Variants in CTNND2 observed in about 807,000 individuals in gnomAD.
CTNND2 encodes the protein catenin delta 2.
Under a neutral mutation model 144.4 loss-of-function variants are expected in CTNND2, and 22 were observed. The observed-to-expected ratio is 0.15, with a 90% CI of 0.11 to 0.22. CTNND2 has a LOEUF of 0.22. Among genes scored for constraint, CTNND2 ranks in the 10% least tolerant of loss-of-function variants. The pLI is 1.00. For missense variants in CTNND2, 1,353 were observed against 1,618.8 expected, an observed-to-expected ratio of 0.84 and a Z score of 2.82; for synonymous variants, 751 against 695.6, an observed-to-expected ratio of 1.08 and a Z score of -1.25.
intron 9 of CTNND2, among the ~76,000 whole-genome samples, chr5:11,330,826 A>G (rs1291363191): frequency 6.7e-6 from 1 of 149,562 alleles, no homozygotes; most frequent in Non-Finnish European, 1.5e-5. Context: ...TAACTTATAC[A>G]GAGCAAGTCC....
chr5:11,803,092 C>A (rs59403691), intron 1 of CTNND2, among the ~76,000 whole-genome samples: 1 of 152,108 alleles, frequency 6.6e-6, no homozygotes, highest in African/African-American at 2.4e-5. Context: ...GAGGCCGAGG[C>A]GGGTGGATCA....
chr5:11,628,157 C>A (rs143488927), intron 2 of CTNND2, among the ~76,000 whole-genome samples: 48 of 152,118 alleles, frequency 3.2e-4, no homozygotes, highest in African/African-American at 1.0e-3. Context: ...AGATTCCACA[C>A]GTTTTCACCA....
At chr5:11,564,531 A>C (rs186262984) in intron 3 of CTNND2, among the ~76,000 whole-genome samples, 9 of 152,158 alleles carry the variant, frequency 5.9e-5, no homozygotes, top group Admixed American at 5.9e-4. Flanking sequence ...TTCATAACTT[A>C]GCATTATGTA....
chr5:11,378,583 C>T (rs1044433404), intron 7 of CTNND2, among the ~76,000 whole-genome samples: 6 of 152,290 alleles, frequency 3.9e-5, no homozygotes, highest in Admixed American at 2.6e-4. Context: ...GTGAGAACTG[C>T]GCAATGCTTG....
intron 18 of CTNND2, among the ~76,000 whole-genome samples, chr5:11,013,861 C>A (rs1048659452): frequency 6.6e-6 from 1 of 152,142 alleles, no homozygotes; most frequent in Non-Finnish European, 1.5e-5. Context: ...GGTGTGAGCC[C>A]GAGACTGGCA....
chr5:11,292,740 T>G (rs1393062260), intron 9 of CTNND2, among the ~76,000 whole-genome samples: 1 of 152,162 alleles, frequency 6.6e-6, no homozygotes. Context: ...CAGTTCTTTA[T>G]AGCAGTGTGA....
intron 5 of CTNND2, among the ~76,000 whole-genome samples, chr5:11,401,100 G>A (rs1760611001): frequency 1.3e-5 from 2 of 152,086 alleles, no homozygotes. Flanking sequence ...CACTATTCGT[G>A]GGACAAAATC....
At chr5:11,734,111 C>G (rs186561625) in intron 1 of CTNND2, among the ~76,000 whole-genome samples, 1 of 152,284 alleles carries the variant, frequency 6.6e-6, no homozygotes, top group East Asian at 1.9e-4. Context: ...TCCCCAGACA[C>G]TAAATCTGCC....
At position 11,110,846 on chromosome 5, in the gene CTNND2, A is replaced by C. The variant is rs1229431551; in HGVS notation, c.2463+12T>G. The C allele has an allele frequency of 3.1e-6, 5 of 1,606,554 alleles. No individual in the cohort carries two copies. The highest frequency in any genetic ancestry group is 4.2e-6 in the Non-Finnish European group (5 of 1,176,706). ...GGGATAATTGCATGCAGCTGCAAGC[A>C]GCCTGCATCACCTGATCTTGGGATT... On this transcript the variant is annotated intron_variant, in intron 14 of 21. Coordinates refer to ENST00000304623, the MANE Select transcript of CTNND2 (RefSeq NM_001332.4).
At chr5:11,525,371 T>C (rs570998512) in intron 3 of CTNND2, among the ~76,000 whole-genome samples, 3 of 152,290 alleles carry the variant, frequency 2.0e-5, no homozygotes, top group South Asian at 4.1e-4. Flanking sequence ...ATACATTGTC[T>C]TTTTGTACCA....
rs1455817498 is a variant in CTNND2 at position 10,988,329 on chromosome 5, T to A, written c.3212-87A>T. ...ACACAGTCAGGGTCCTCACTATGCA[T>A]GGTCCCGCATCTCAATGCCTACGTG... is the stretch of plus-strand genomic sequence containing the variant. On this transcript the variant is annotated intron_variant, in intron 19 of 21. Transcript: ENST00000304623. This position sits in a 1 kb window ranked among gnomAD's most constrained non-coding sequence, Gnocchi z 5.9. 2 of 1,508,750 alleles carry A rather than the reference T, an allele frequency of 1.3e-6. No individual in the cohort carries two copies. Among genetic ancestry groups the A allele is most frequent in the Non-Finnish European group, 1.8e-6 (2 of 1,099,834 alleles). 93.5% of individuals were successfully genotyped at this position (1,508,750 alleles called of 1,614,324 possible). A position where few individuals can be genotyped will look rare whatever the true frequency, so the allele number is the denominator to read the frequency against.
chr5:11,467,714 T>G (rs1474959313), intron 3 of CTNND2, among the ~76,000 whole-genome samples: 1 of 152,186 alleles, frequency 6.6e-6, no homozygotes, highest in African/African-American at 2.4e-5. Context: ...AAGCAGCAGT[T>G]TTGGGTATTT....
intron 8 of CTNND2, among the ~76,000 whole-genome samples, chr5:11,353,631 C>T (rs544279056): frequency 7.9e-5 from 12 of 152,042 alleles, no homozygotes; most frequent in African/African-American, 1.2e-4. Flanking sequence ...GGAGAAACCC[C>T]GTCTCTACTA....
Position 10,988,266 on chromosome 5 carries a change from G to T in CTNND2, c.3212-24C>A, listed in dbSNP as rs1438699536. 4 of 1,613,812 alleles carry T rather than the reference G, an allele frequency of 2.5e-6. No homozygotes were observed. The highest frequency in any genetic ancestry group is 1.7e-5 in the Admixed American group (1 of 60,014). ...TGCTACATAAAGAAATCAAAAGGGG[G>T]ATTTTCTGCATCTCATCCCACAGCG... On this transcript the variant is annotated intron_variant, in intron 19 of 21. Coordinates refer to ENST00000304623, the MANE Select transcript of CTNND2 (RefSeq NM_001332.4). The surrounding 1 kb of genome is among the most constrained non-coding windows in gnomAD (Gnocchi z 5.9).
In CTNND2 at chr5:11,835,079, G is replaced by A. The variant is rs575649823; in HGVS notation, c.37+68738C>T. The stretch of plus-strand genomic sequence containing the variant: ...CCTAAGCCTGGGAGGTGGAGGCTGC[G>A]GTAAGCCATGATCACACCACTGCAC... On this transcript the variant is annotated intron_variant, in intron 1 of 21. Coordinates refer to ENST00000304623, the MANE Select transcript of CTNND2 (RefSeq NM_001332.4). Among the ~76,000 whole-genome samples the A allele has an allele frequency of 2.2e-4, 33 of 152,258 alleles. No individual in the cohort carries two copies. In the South Asian group the frequency reaches 2.7e-3, roughly 12 times the overall value.
chr5:11,843,801 G>GA (rs1003357574), intron 1 of CTNND2, among the ~76,000 whole-genome samples: 5 of 152,088 alleles, frequency 3.3e-5, no homozygotes, highest in African/African-American at 4.8e-5. Flanking sequence ...AATAAAATCA[G>GA]AAAAAAACTC....
intron 8 of CTNND2, among the ~76,000 whole-genome samples, chr5:11,361,655 C>T (rs1756468935): frequency 6.6e-6 from 1 of 152,234 alleles, no homozygotes; most frequent in Non-Finnish European, 1.5e-5. Flanking sequence ...AAGCTAGATG[C>T]TTCCCCACCA....
At chr5:11,199,221 A>G (rs1737179260) in intron 11 of CTNND2, among the ~76,000 whole-genome samples, 1 of 152,202 alleles carries the variant, frequency 6.6e-6, no homozygotes, top group Admixed American at 6.5e-5. Context: ...GTTCATGATC[A>G]CAGAATTTTA....
intron 2 of CTNND2, among the ~76,000 whole-genome samples, chr5:11,656,223 G>A (rs73743010): frequency 0.012 from 1,805 of 151,842 alleles, 28 homozygotes; most frequent in African/African-American, 0.042. Context: ...TCATATATAC[G>A]TTACCTAGAA....
Sources: gnomAD v4.1 joint callset for allele counts (sites outside exome capture counted in the v4.1 genomes callset) on GRCh38, gnomAD v4.1.1 for gene constraint, Gnocchi (gnomAD v3.1) non-coding constraint, MANE v1.5 for transcripts, NCBI Gene and HGNC (gene_info 2026-07-23, HGNC 2026-07-21) for gene names.